Variants in RTN4 observed in about 807,000 individuals in gnomAD.
The protein encoded by RTN4 is reticulon-4.
Under a neutral mutation model 90.4 loss-of-function variants are expected in RTN4, and 32 were observed. The observed-to-expected ratio is 0.35, with a 90% CI of 0.27 to 0.48. The LOEUF is 0.48. Among genes scored for constraint, RTN4 ranks in the 20% least tolerant of loss-of-function variants. The pLI is 0.99. For synonymous variants in RTN4, 629 were observed against 552.5 expected (o/e 1.14, Z -1.94); for missense variants, 1,706 against 1,430.2 (o/e 1.19, Z -3.11).
At chr2:55,058,369 C>T (rs1032068116) in intron 2 of RTN4, among the ~76,000 whole-genome samples, 1 of 152,180 alleles carries the variant, frequency 6.6e-6, no homozygotes, top group African/African-American at 2.4e-5. Context: ...GGTTTCTCTT[C>T]AGCCATGAAC....
rs1573247511 is a variant in RTN4, at chr2:54,972,996, A to G, written c.*160T>C. ...TGAACACATGGCAGTCAAGACAGGT[A>G]ATTTTTCCTCACAACAGTGCATGGC... On this transcript the variant is annotated 3_prime_UTR_variant, in exon 9 of 9. Transcript: ENST00000337526. 2 of 550,854 alleles carry G rather than the reference A, an allele frequency of 3.6e-6. No individual in the cohort carries two copies. The highest frequency in any genetic ancestry group is 3.1e-5 in the South Asian group (1 of 32,642). 34.1% of individuals were successfully genotyped at this position (550,854 alleles called of 1,614,324 possible). A position where few individuals can be genotyped will look rare whatever the true frequency, so the allele number is the denominator to read the frequency against.
intron 1 of RTN4, among the ~76,000 whole-genome samples, chr2:55,031,229 C>T (rs1453822127): frequency 6.6e-6 from 1 of 152,166 alleles, no homozygotes; most frequent in African/African-American, 2.4e-5. Context: ...TCTTGAGACA[C>T]TGGACAAGAG....
intron 3 of RTN4, among the ~76,000 whole-genome samples, chr2:54,996,130 ATACT>A (rs1222603060): frequency 3.3e-5 from 5 of 152,242 alleles, no homozygotes; most frequent in Non-Finnish European, 7.3e-5. Context: ...AAAAAATAAG[ATACT>A]TAGGAATACA....
At chr2:55,022,927 A>ACACACACACACC (rs1681551698) in intron 3 of RTN4, among the ~76,000 whole-genome samples, 2 of 151,178 alleles carry the variant, frequency 1.3e-5, no homozygotes, top group African/African-American at 4.9e-5. Flanking sequence ...ACACACACAC[A>ACACACACACACC]CACCCTGCTC....
the RTN4 span, among the ~76,000 whole-genome samples, chr2:55,129,344 C>T: frequency 6.6e-6 from 1 of 151,928 alleles, no homozygotes; most frequent in Non-Finnish European, 1.5e-5. Flanking sequence ...AAGGCCGAGG[C>T]AGGCAGATCA....
In RTN4 at chr2:55,025,197, C is replaced by T; in HGVS notation, c.2902G>A (p.Val968Ile). 1.9e-6 allele frequency: 3 copies of T among 1,613,794 alleles called. No individual in the cohort carries two copies. The highest frequency in any genetic ancestry group is 2.5e-6 in the Non-Finnish European group (3 of 1,179,802). ...TCTTTCACAAGAACTTTGGGTTTAA[C>T]TATGCTCTCTATCTCTGCTTGAGTG... The part of the protein sequence containing the change: ...LATQAEIESI[V>I]KPKVLVKEAE... Residue 968 changes from valine (V) to isoleucine (I), a missense_variant, in exon 3 of 9, where the codon GTT becomes ATT. By Grantham distance (29) the Val-to-Ile change is conservative. Coordinates refer to ENST00000337526, the MANE Select transcript of RTN4 (RefSeq NM_020532.5).
chr2:54,995,590 T>A (rs989368426), intron 3 of RTN4, among the ~76,000 whole-genome samples: 8 of 152,330 alleles, frequency 5.3e-5, no homozygotes, highest in African/African-American at 1.9e-4. Flanking sequence ...CATTCGTTCA[T>A]TCATTTTCTA....
intron 4 of RTN4, among the ~76,000 whole-genome samples, chr2:54,984,560 G>A (rs1005029020): frequency 3.3e-5 from 5 of 152,202 alleles, no homozygotes; most frequent in Non-Finnish European, 1.5e-5. Flanking sequence ...TGCCTAAGCA[G>A]AAGCCATAAA....
At chr2:54,981,303 A>T (rs537995985) in intron 5 of RTN4, among the ~76,000 whole-genome samples, 48 of 150,862 alleles carry the variant, frequency 3.2e-4, no homozygotes, top group African/African-American at 1.1e-3. Context: ...TTTAAAAAGC[A>T]CTTTAAGCAC....
the RTN4 span, among the ~76,000 whole-genome samples, chr2:55,124,743 C>T: frequency 6.6e-6 from 1 of 152,118 alleles, no homozygotes; most frequent in Non-Finnish European, 1.5e-5. Context: ...AAAAAAAGAG[C>T]CTGAATAGTG....
intron 2 of RTN4, among the ~76,000 whole-genome samples, chr2:55,072,910 A>G (rs1668540497): frequency 6.6e-6 from 1 of 152,204 alleles, no homozygotes; most frequent in Admixed American, 6.5e-5. Context: ...AGAAACTGTT[A>G]AAGTGTTTTT....
chr2:55,033,929 T>C (rs912462856), intron 1 of RTN4, among the ~76,000 whole-genome samples: 5 of 152,322 alleles, frequency 3.3e-5, no homozygotes, highest in African/African-American at 1.2e-4. Flanking sequence ...AATAAATCAT[T>C]AACTATAATT....
chr2:55,081,855 CCT>C (rs1668725578), intron 1 of RTN4, among the ~76,000 whole-genome samples: 1 of 91,774 alleles, frequency 1.1e-5, no homozygotes, highest in Non-Finnish European at 2.0e-5. Context: ...AGAGCCAGAC[CCT>C]GTCTCAAAAA....
rs116651548 is a variant in RTN4, at chr2:55,038,351, G to C, written c.557-10131C>G. ...TTAATAGGCAAGCTACAGACTAGGA[G>C]AATATATTCACAACACATGTATCAG... On this transcript the variant is annotated intron_variant, in intron 1 of 8. Transcript: ENST00000337526. Among the ~76,000 whole-genome samples the C allele has an allele frequency of 3.8e-4, 58 of 151,898 alleles. 1 individual carries two copies. Among genetic ancestry groups the C allele is most frequent in the African/African-American group, 1.3e-3 (52 of 41,420 alleles).
chr2:55,117,034 T>A (rs1036617274), upstream of RTN4, among the ~76,000 whole-genome samples: 1 of 152,018 alleles, frequency 6.6e-6, no homozygotes, highest in Non-Finnish European at 1.5e-5. Context: ...CCACCATGCC[T>A]GGCTGATTTT....
At chr2:55,115,055 G>A (rs1668100586), upstream of RTN4, among the ~76,000 whole-genome samples, 1 of 152,080 alleles carries the variant, frequency 6.6e-6, no homozygotes, top group Admixed American at 6.5e-5. Flanking sequence ...CAGACAATTT[G>A]ATTTTCCAAA....
intron 4 of RTN4, among the ~76,000 whole-genome samples, chr2:54,983,919 G>T (rs1366020295): frequency 1.3e-5 from 2 of 152,182 alleles, no homozygotes; most frequent in East Asian, 3.8e-4. Flanking sequence ...CAAACATTCT[G>T]TGATTCTATG....
chr2:55,080,062 G>A (rs531599631), intron 2 of RTN4, among the ~76,000 whole-genome samples: 1 of 152,220 alleles, frequency 6.6e-6, no homozygotes, highest in East Asian at 1.9e-4. Context: ...GTCCTCCCAG[G>A]CTAGAGTGTA....
At chr2:55,100,566 C>T (rs1338703243) in intron 1 of RTN4, among the ~76,000 whole-genome samples, 1 of 152,076 alleles carries the variant, frequency 6.6e-6, no homozygotes, top group Non-Finnish European at 1.5e-5. Context: ...CCTTGGTGGT[C>T]CATTAGACCC....
Sources: gnomAD v4.1 joint callset for allele counts (sites outside exome capture counted in the v4.1 genomes callset) on GRCh38, gnomAD v4.1.1 for gene constraint, MANE v1.5 for transcripts, NCBI Gene and HGNC (gene_info 2026-07-23, HGNC 2026-07-21) for gene names.